The following PTPRT variants were observed in gnomAD, a reference collection of about 807,000 sequenced individuals.
PTPRT encodes the protein receptor-type tyrosine-protein phosphatase T.
PTPRT carries 56 observed loss-of-function variants against 176.8 expected under a neutral mutation model. That is an observed-to-expected ratio of 0.32 (90% CI 0.26 to 0.40). The LOEUF is 0.40. PTPRT is among the 10% of genes least tolerant of loss of function. The pLI is 1.00. For missense variants in PTPRT, 1,540 were observed against 1,908.2 expected, an observed-to-expected ratio of 0.81 and a Z score of 3.60; for synonymous variants, 783 against 739.0, an observed-to-expected ratio of 1.06 and a Z score of -0.96.
At chr20:42,199,843 G>A (rs567011244) in intron 15 of PTPRT, among the ~76,000 whole-genome samples, 2 of 152,198 alleles carry the variant, frequency 1.3e-5, no homozygotes, top group East Asian at 3.9e-4. Flanking sequence ...GTGAAGCAGG[G>A]GCTGGTGGTT....
Position 43,062,508 on chromosome 20 carries a change from CTACTT to C in PTPRT, c.88+127133_88+127137del, listed in dbSNP as rs528460939. Among the ~76,000 whole-genome samples the C allele has an allele frequency of 1.2e-3, 189 of 152,334 alleles. 1 individual carries two copies. Among genetic ancestry groups the C allele is most frequent in the African/African-American group, 4.4e-3 (181 of 41,582 alleles). Reference sequence around the variant, plus strand: ...TAATCTGAGTAACAGCTTCAATTCTCTACTTCACTTCGCTGGGAGATCTTGAACTG... The same window carrying C: ...TAATCTGAGTAACAGCTTCAATTCTCCACTTCGCTGGGAGATCTTGAACTG... On this transcript the variant is annotated intron_variant, in intron 1 of 30. Coordinates refer to ENST00000373187, the MANE Select transcript of PTPRT (RefSeq NM_007050.6).
intron 8 of PTPRT, among the ~76,000 whole-genome samples, chr20:42,454,845 T>G (rs1413390441): frequency 6.6e-6 from 1 of 152,216 alleles, no homozygotes; most frequent in Non-Finnish European, 1.5e-5. Flanking sequence ...TATATCCCAC[T>G]GAATAATGCT....
At chr20:42,916,141 T>A (rs958901859) in intron 1 of PTPRT, among the ~76,000 whole-genome samples, 16 of 107,858 alleles carry the variant, frequency 1.5e-4, no homozygotes, top group Non-Finnish European at 1.8e-4. Context: ...CAGTCCCCGG[T>A]GTGTGATGTT....
At chr20:42,504,903 C>A (rs1018700920) in intron 7 of PTPRT, among the ~76,000 whole-genome samples, 3 of 152,118 alleles carry the variant, frequency 2.0e-5, no homozygotes, top group South Asian at 2.1e-4. Flanking sequence ...CTAGGCTCTG[C>A]AGGTCAGTAG....
chr20:42,191,205 G>A (rs1990989181), intron 16 of PTPRT, among the ~76,000 whole-genome samples: 1 of 151,740 alleles, frequency 6.6e-6, no homozygotes. Context: ...CTGTAGGCTT[G>A]GCAAGCAGGG....
intron 7 of PTPRT, among the ~76,000 whole-genome samples, chr20:42,667,264 T>A (rs933910597): frequency 1.3e-5 from 2 of 152,186 alleles, no homozygotes. Context: ...TCCGGGCCAT[T>A]TGAGCAAGTG....
intron 9 of PTPRT, among the ~76,000 whole-genome samples, chr20:42,364,373 G>A (rs566501282): frequency 6.6e-6 from 1 of 152,052 alleles, no homozygotes; most frequent in Non-Finnish European, 1.5e-5. Context: ...AGGAACGAAA[G>A]GGAGGGCATG....
intron 12 of PTPRT, among the ~76,000 whole-genome samples, chr20:42,300,094 C>T (rs917603865): frequency 1.3e-5 from 2 of 151,384 alleles, no homozygotes; most frequent in African/African-American, 2.4e-5. Context: ...CCCGTCTCTA[C>T]TAAAAATAAA....
intron 9 of PTPRT, among the ~76,000 whole-genome samples, chr20:42,363,144 T>TAAA (rs1330013664): frequency 7.5e-6 from 1 of 132,610 alleles, no homozygotes; most frequent in African/African-American, 2.9e-5. Flanking sequence ...ATATTTTTTT[T>TAAA]AAAAAAAAGA....
chr20:42,126,659 C>T (rs1987872019), intron 19 of PTPRT, among the ~76,000 whole-genome samples: 1 of 152,184 alleles, frequency 6.6e-6, no homozygotes, highest in Non-Finnish European at 1.5e-5. Flanking sequence ...GGTCCCACAG[C>T]CCCTGCTCTG....
intron 1 of PTPRT, among the ~76,000 whole-genome samples, chr20:43,071,883 T>C (rs1394824867): frequency 2.0e-5 from 3 of 152,252 alleles, no homozygotes; most frequent in Non-Finnish European, 4.4e-5. Context: ...AGGGAGGCAA[T>C]GCACTTGGCC....
At chr20:42,127,951 C>A (rs1987939992) in intron 19 of PTPRT, among the ~76,000 whole-genome samples, 2 of 152,206 alleles carry the variant, frequency 1.3e-5, no homozygotes, top group South Asian at 4.1e-4. Context: ...TGGTCACCTC[C>A]TTGATAAAAA....
chr20:42,348,397 T>G (rs184897650), intron 11 of PTPRT, among the ~76,000 whole-genome samples: 4 of 151,762 alleles, frequency 2.6e-5, no homozygotes, highest in Non-Finnish European at 4.4e-5. Flanking sequence ...TTTATTTATT[T>G]ATTTATTTTT....
At chr20:42,669,158 A>G (rs534927353) in intron 7 of PTPRT, among the ~76,000 whole-genome samples, 32 of 152,216 alleles carry the variant, frequency 2.1e-4, no homozygotes, top group African/African-American at 7.0e-4. Flanking sequence ...CAAGTTCGGT[A>G]GGTGATGCAA....
intron 23 of PTPRT, among the ~76,000 whole-genome samples, chr20:42,110,132 C>T (rs1340707122): frequency 2.0e-5 from 3 of 151,740 alleles, no homozygotes; most frequent in African/African-American, 4.8e-5. Flanking sequence ...CTGCAACCTC[C>T]CGCTCCTGGG....
At chr20:42,033,936 T>C in the PTPRT span, among the ~76,000 whole-genome samples, 1 of 152,238 alleles carries the variant, frequency 6.6e-6, no homozygotes, top group Non-Finnish European at 1.5e-5. Context: ...GTCCTAATTA[T>C]GGTCCCAGAG....
chr20:42,068,197 A>C (rs1382284689), downstream of PTPRT, among the ~76,000 whole-genome samples: 1 of 152,140 alleles, frequency 6.6e-6, no homozygotes, highest in African/African-American at 2.4e-5. Context: ...GGCATCTCAG[A>C]GAATAGTACC....
chr20:42,227,257 T>C (rs1420037960), intron 15 of PTPRT, among the ~76,000 whole-genome samples: 1 of 151,896 alleles, frequency 6.6e-6, no homozygotes, highest in African/African-American at 2.4e-5. Context: ...AGAGGAAAGG[T>C]TGAATGGTGA....
chr20:42,206,274 G>C (rs2055457215), intron 15 of PTPRT, among the ~76,000 whole-genome samples: 1 of 152,206 alleles, frequency 6.6e-6, no homozygotes, highest in South Asian at 2.1e-4. Context: ...GTAGCAGGGG[G>C]AGGAGCCAAG....
Sources: allele counts gnomAD v4.1 joint callset (sites outside exome capture counted in the v4.1 genomes callset), GRCh38; gene constraint gnomAD v4.1.1; transcripts MANE v1.5; gene names NCBI Gene and HGNC (gene_info 2026-07-23, HGNC 2026-07-21).